DLG1: variants seen among roughly 807,000 people sequenced by gnomAD.
DLG1 encodes the protein disks large homolog 1.
DLG1 carries 42 observed loss-of-function variants against 123.4 expected under a neutral mutation model. That is an observed-to-expected ratio of 0.34 (90% CI 0.27 to 0.44). The LOEUF is 0.44. Ranked by LOEUF, DLG1 falls within the 20% of genes least tolerant of loss-of-function variation. The pLI, the probability that DLG1 is intolerant of heterozygous loss-of-function variation, is 1.00. For missense variants in DLG1, 942 were observed against 1,082.6 expected (o/e 0.87, Z 1.82); for synonymous variants, 317 against 356.2 (o/e 0.89, Z 1.24).
At chr3:197,166,525 T>C (rs1007137346) in intron 5 of DLG1, among the ~76,000 whole-genome samples, 1 of 152,208 alleles carries the variant, frequency 6.6e-6, no homozygotes, top group Non-Finnish European at 1.5e-5. Context: ...TGGATGCAGC[T>C]AACAGCTCAA....
intron 4 of DLG1, among the ~76,000 whole-genome samples, chr3:197,236,913 C>T (rs1010754481): frequency 2.9e-4 from 44 of 152,120 alleles, no homozygotes; most frequent in South Asian, 2.1e-4. Context: ...TCTGTTACTA[C>T]CAAACTATGA....
intron 15 of DLG1, among the ~76,000 whole-genome samples, chr3:197,089,987 T>C (rs1389052262): frequency 6.6e-6 from 1 of 152,170 alleles, no homozygotes; most frequent in Non-Finnish European, 1.5e-5. Context: ...AGAGTAAGAT[T>C]ATGTGAAGAC....
chr3:197,110,853 T>C (rs78440206), intron 13 of DLG1, among the ~76,000 whole-genome samples: 6,483 of 152,254 alleles, frequency 0.043, 186 homozygotes, highest in Non-Finnish European at 0.054. Context: ...CCTTTAACAC[T>C]CAGATAAGCA....
chr3:197,112,620 T>A (rs1223205640), intron 13 of DLG1, among the ~76,000 whole-genome samples: 2 of 152,098 alleles, frequency 1.3e-5, no homozygotes, highest in African/African-American at 4.8e-5. Flanking sequence ...AGGGTGTTGC[T>A]CTGTTGCCCA....
intron 3 of DLG1, among the ~76,000 whole-genome samples, chr3:197,290,811 T>C (rs1028747197): frequency 2.7e-5 from 4 of 149,332 alleles, no homozygotes; most frequent in Admixed American, 6.7e-5. Flanking sequence ...GGCAGGAGGA[T>C]TGCTTGAGCC....
chr3:197,238,364 T>C (rs1386010680), intron 4 of DLG1, among the ~76,000 whole-genome samples: 1 of 152,144 alleles, frequency 6.6e-6, no homozygotes, highest in Non-Finnish European at 1.5e-5. Flanking sequence ...GTAGGCGTCA[T>C]ATAAAAAATT....
intron 24 of DLG1, among the ~76,000 whole-genome samples, chr3:197,048,750 G>C (rs1725168888): frequency 6.6e-6 from 1 of 152,118 alleles, no homozygotes; most frequent in African/African-American, 2.4e-5. Context: ...CCGCTTCCCA[G>C]GTTCAAGCAA....
At chr3:197,183,764 G>A in intron 5 of DLG1, 2 of 1,550,466 alleles carry the variant, frequency 1.3e-6, no homozygotes, top group South Asian at 1.2e-5. Flanking sequence ...CTCCTCGACT[G>A]CCGCGAGAGT....
chr3:197,202,027 G>T (rs1177929922), intron 4 of DLG1, among the ~76,000 whole-genome samples: 3 of 152,118 alleles, frequency 2.0e-5, no homozygotes, highest in Non-Finnish European at 4.4e-5. Flanking sequence ...ATGATAGGAG[G>T]CTGTCTGGTG....
At chr3:197,104,797 CA>C (rs1765463573) in intron 14 of DLG1, 105 bp downstream of exon 14, 3 of 786,492 alleles carry the variant, frequency 3.8e-6, no homozygotes, top group African/African-American at 3.6e-5. Flanking sequence ...AAAAAAAGCA[CA>C]AAAAAGGAAG....
At chr3:197,095,583 T>C (rs768881390) in intron 14 of DLG1, among the ~76,000 whole-genome samples, 1 of 152,192 alleles carries the variant, frequency 6.6e-6, no homozygotes, top group East Asian at 1.9e-4. Flanking sequence ...TACATCTGTA[T>C]CAGGTGGTAC....
chr3:197,246,685 C>T (rs531933485), intron 4 of DLG1, among the ~76,000 whole-genome samples: 8 of 152,238 alleles, frequency 5.3e-5, no homozygotes, highest in South Asian at 2.1e-4. Flanking sequence ...CTCTTGTTTG[C>T]GTTAATGAAA....
intron 5 of DLG1, among the ~76,000 whole-genome samples, chr3:197,163,687 ATTTTTTTTT>A (rs56865627): frequency 0.022 from 2,293 of 102,138 alleles, 74 homozygotes; most frequent in African/African-American, 0.08. Context: ...ATGCTCAGCT[ATTTTTTTTT>A]TTTTTTTTTT....
chr3:197,256,153 A>G (rs1342344030), intron 4 of DLG1, among the ~76,000 whole-genome samples: 2 of 152,232 alleles, frequency 1.3e-5, no homozygotes, highest in Admixed American at 6.5e-5. Flanking sequence ...TTCTTTTTAG[A>G]TATATCTTCT....
chr3:197,215,004 T>A (rs141132028), intron 4 of DLG1, among the ~76,000 whole-genome samples: 45 of 152,286 alleles, frequency 3.0e-4, no homozygotes, highest in African/African-American at 1.1e-3. Flanking sequence ...GGTAAAAACA[T>A]AAATGAAAGT....
Position 197,254,615 on chromosome 3 carries a change from C to T in DLG1, c.318+28064G>A, listed in dbSNP as rs138602335. The stretch of plus-strand genomic sequence containing the variant: ...TTAGAACTATTATAGCAGAAAAGAA[C>T]TTTAAAATGGCAATTTTTAAATACA... On this transcript the variant is annotated intron_variant, in intron 4 of 24. Coordinates refer to ENST00000667157, the MANE Select transcript of DLG1 (RefSeq NM_001366207.1). Among the ~76,000 whole-genome samples the T allele has an allele frequency of 1.1e-3, 172 of 152,226 alleles. 1 individual carries two copies. Among genetic ancestry groups the T allele is most frequent in the Middle Eastern group, 6.8e-3 (2 of 294 alleles).
intron 4 of DLG1, among the ~76,000 whole-genome samples, chr3:197,252,497 C>T (rs1754928023): frequency 6.6e-6 from 1 of 152,066 alleles, no homozygotes; most frequent in African/African-American, 2.4e-5. Flanking sequence ...AAGACAAATA[C>T]CATCTGACTA....
chr3:197,176,289 T>G (rs1243286628), intron 5 of DLG1, among the ~76,000 whole-genome samples: 1 of 152,132 alleles, frequency 6.6e-6, no homozygotes, highest in Admixed American at 6.6e-5. Flanking sequence ...CTAATGTACA[T>G]TTGTTACAAT....
At chr3:197,286,212 T>G (rs1229505608) in intron 3 of DLG1, among the ~76,000 whole-genome samples, 3 of 151,994 alleles carry the variant, frequency 2.0e-5, no homozygotes, top group African/African-American at 4.8e-5. Context: ...GGAGTTTGTG[T>G]GGGGGGTGTA....
Sources: gnomAD v4.1 joint callset for allele counts (sites outside exome capture counted in the v4.1 genomes callset) on GRCh38, gnomAD v4.1.1 for gene constraint, MANE v1.5 for transcripts, NCBI Gene and HGNC (gene_info 2026-07-23, HGNC 2026-07-21) for gene names.